Variants in BAHCC1 observed in about 807,000 individuals in gnomAD.
The protein encoded by BAHCC1 is BAH and coiled-coil domain-containing protein 1.
Under a neutral mutation model 88.2 loss-of-function variants are expected in BAHCC1, and 43 were observed. The ratio of observed to expected loss-of-function variants is 0.49; its 90% confidence interval spans 0.38 to 0.63. The LOEUF (loss-of-function observed/expected upper bound fraction) is 0.63. Ranked by LOEUF, BAHCC1 falls within the 20% of genes least tolerant of loss-of-function variation. The probability of loss-of-function intolerance (pLI) is 0.00; values close to 1 mark genes in which losing one functional copy is unlikely to be tolerated. For synonymous variants in BAHCC1, 1,510 were observed against 745.5 expected (o/e 2.03, Z -16.71); for missense variants, 3,023 against 1,654.8 (o/e 1.83, Z -14.34).
At chr17:81,454,669 T>G (rs1019654253) in intron 14 of BAHCC1, among the ~76,000 whole-genome samples, 3 of 151,932 alleles carry the variant, frequency 2.0e-5, no homozygotes, top group African/African-American at 7.3e-5. Flanking sequence ...GCCCCACTCC[T>G]AAGGGTGGTA....
At chr17:81,415,230 C>T (rs1444482727) in intron 2 of BAHCC1, among the ~76,000 whole-genome samples, 4 of 152,372 alleles carry the variant, frequency 2.6e-5, no homozygotes, top group Admixed American at 2.0e-4. Context: ...TCTTCCTGGA[C>T]CCTGGGTTTG....
chr17:81,445,774 AG>A, intron 10 of BAHCC1, 93 bp downstream of exon 10: 3 of 653,890 alleles, frequency 4.6e-6, no homozygotes, highest in Non-Finnish European at 8.5e-6. Context: ...GGCTGCCTGC[AG>A]GGAGGCGCCA....
intron 20 of BAHCC1, 22 bp from the exon 21 acceptor site, chr17:81,459,032 C>G (rs782537714): frequency 2.0e-5 from 15 of 736,198 alleles, no homozygotes; most frequent in Non-Finnish European, 3.5e-5. Context: ...CCGTGCCGGC[C>G]GCTGACACCT....
At chr17:81,436,313 A>G (rs1555651735) in intron 3 of BAHCC1, among the ~76,000 whole-genome samples, 5 of 152,150 alleles carry the variant, frequency 3.3e-5, no homozygotes, top group African/African-American at 1.2e-4. Flanking sequence ...GCCCACCCGC[A>G]GCTGCCCCCA....
intron 2 of BAHCC1, chr17:81,413,157 A>G (rs782752882): frequency 2.3e-6 from 1 of 439,474 alleles, no homozygotes; most frequent in South Asian, 1.6e-5. Flanking sequence ...CCCCAACCCC[A>G]GAGTGGGCCG....
At chr17:81,415,999 T>C (rs1555648599) in intron 2 of BAHCC1, among the ~76,000 whole-genome samples, 1 of 150,978 alleles carries the variant, frequency 6.6e-6, no homozygotes, top group Non-Finnish European at 1.5e-5. Flanking sequence ...TGAGGATGGG[T>C]GTATGCGCGT....
Position 81,460,911 on chromosome 17 carries a change from C to G in BAHCC1, c.6248C>G (p.Ala2083Gly). Reference sequence around the variant, plus strand: ...TCAGGTGCCAAATCCCCCACGGGGGCCTCCGACCACTTCCTGGGCCGCCGT... The same window carrying G: ...TCAGGTGCCAAATCCCCCACGGGGGGCTCCGACCACTTCCTGGGCCGCCGT... ...LTSGAKSPTGASDHFLGRRGS... is the reference protein window; with the variant it reads ...LTSGAKSPTGGSDHFLGRRGS... Residue 2083 changes from alanine (A) to glycine (G), a missense_variant, in exon 26 of 28, where the codon GCC (alanine) becomes GGC (glycine). Ala to Gly is a moderately conservative substitution (Grantham distance 60). Transcript: ENST00000675386. 1.3e-6 allele frequency: 1 copy of G among 768,030 alleles called. No individual in the cohort carries two copies. Among genetic ancestry groups the G allele is most frequent in the African/African-American group, 1.7e-5 (1 of 59,256 alleles). 47.6% of individuals were successfully genotyped at this position (768,030 alleles called of 1,614,324 possible). A position where few individuals can be genotyped will look rare whatever the true frequency, so the allele number is the denominator to read the frequency against.
In BAHCC1 at chr17:81,455,170, G is replaced by A. The variant is rs544391861; in HGVS notation, c.4446-97G>A. 3.5e-5 allele frequency: 23 copies of A among 652,226 alleles called. No homozygotes were observed. The African/African-American group carries it at 3.9e-4, about 11-fold the overall frequency. 40.4% of individuals were successfully genotyped at this position (652,226 alleles called of 1,614,324 possible). A position where few individuals can be genotyped will look rare whatever the true frequency, so the allele number is the denominator to read the frequency against. ...CGAGACGTGGGGCCCTTGGAGGAGGGTGACCCACAGTGTGACCCACTACAG... is the reference window on the plus strand; with the variant it reads ...CGAGACGTGGGGCCCTTGGAGGAGGATGACCCACAGTGTGACCCACTACAG... On this transcript the variant is annotated intron_variant, in intron 14 of 27. Transcript: ENST00000675386.
At chr17:81,446,805 A>C (rs1555654494) in intron 10 of BAHCC1, 2 of 676,664 alleles carry the variant, frequency 3.0e-6, no homozygotes, top group Non-Finnish European at 5.4e-6. Flanking sequence ...CATCCACCTC[A>C]GCCTCCCAAA....
At chr17:81,403,456 A>G (rs58697678) in intron 2 of BAHCC1, among the ~76,000 whole-genome samples, 39,835 of 149,366 alleles carry the variant, frequency 0.27, 6,474 homozygotes, top group Middle Eastern at 0.38. Context: ...TTTCCTGCTG[A>G]AAAAGTGCTT....
In BAHCC1 at chr17:81,434,463, C is replaced by T. The variant is rs375002179; in HGVS notation, c.359-3907C>T. ...CTGTAGAAGGTTTTGTCCTCAAAGGCGTGCGGGCTGGGGCAGGGCGCTCGA... is the reference window on the plus strand; with the variant it reads ...CTGTAGAAGGTTTTGTCCTCAAAGGTGTGCGGGCTGGGGCAGGGCGCTCGA... On this transcript the variant is annotated intron_variant, in intron 3 of 27. Transcript: ENST00000675386. This position sits in a 1 kb window ranked among gnomAD's most constrained non-coding sequence, Gnocchi z 4.9. Among the ~76,000 whole-genome samples the T allele has an allele frequency of 1.6e-3, 250 of 152,284 alleles. 1 individual carries two copies. Among genetic ancestry groups the T allele is most frequent in the African/African-American group, 5.7e-3 (237 of 41,552 alleles).
At chr17:81,418,798 T>TGTGTGTGTGTGCGC (rs1555649114) in intron 2 of BAHCC1, among the ~76,000 whole-genome samples, 2 of 66,270 alleles carry the variant, frequency 3.0e-5, no homozygotes, top group African/African-American at 1.2e-4. Context: ...CGTGTGTGCG[T>TGTGTGTGTGTGCGC]GTGTGTGTGT....
At chr17:81,413,699 G>A (rs907720542) in intron 2 of BAHCC1, among the ~76,000 whole-genome samples, 10 of 152,224 alleles carry the variant, frequency 6.6e-5, no homozygotes, top group African/African-American at 2.4e-4. Context: ...CAGCCCGCTC[G>A]GACCACCTGT....
At chr17:81,418,796 C>CGCGCATGTGTGTGTGTGTGCGCAT (rs1555649116) in intron 2 of BAHCC1, among the ~76,000 whole-genome samples, 2 of 144,918 alleles carry the variant, frequency 1.4e-5, no homozygotes, top group East Asian at 4.1e-4. Flanking sequence ...TACGTGTGTG[C>CGCGCATGTGTGTGTGTGTGCGCAT]GTGTGTGTGT....
At chr17:81,402,398 T>G (rs781854694) in intron 2 of BAHCC1, 1 of 152,262 alleles carries the variant, frequency 6.6e-6, no homozygotes, top group Non-Finnish European at 1.5e-5. Context: ...CCCAGATCAC[T>G]TTGCTTTGGT....
rs780544888 is a variant in BAHCC1 at position 81,434,793 on chromosome 17, C to T, written c.359-3577C>T. Among the ~76,000 whole-genome samples the T allele has an allele frequency of 1.1e-4, 17 of 152,104 alleles. No homozygotes were observed. The highest frequency in any genetic ancestry group is 1.9e-4 in the Non-Finnish European group (13 of 67,954). On this transcript the variant is annotated intron_variant, in intron 3 of 27. Transcript: ENST00000675386. This position sits in a 1 kb window ranked among gnomAD's most constrained non-coding sequence, Gnocchi z 4.9. Reference sequence around the variant, plus strand: ...CCCAGATCTGGCAAGAGGAGGAAGGCGCAGGGCTGGCCTGGAGAGGGCAGG... The same window carrying T: ...CCCAGATCTGGCAAGAGGAGGAAGGTGCAGGGCTGGCCTGGAGAGGGCAGG...
At position 81,461,217 on chromosome 17, in the gene BAHCC1, G is replaced by A. The variant is rs782256960; in HGVS notation, c.6554G>A (p.Arg2185Gln). ...GLPRGAHKLL[R>Q]AKKAERVEAE... is the part of the protein sequence containing the mutation. The stretch of plus-strand genomic sequence containing the variant: ...CCCAGGGGAGCCCACAAGCTGCTGC[G>A]GGCTAAGAAGGCCGAGAGGGTGGAG... The change falls in exon 26 of 28, where the codon CGG becomes CAG. Residue 2185 changes from arginine to glutamine, a missense_variant. Arg to Gln is a conservative substitution (Grantham distance 43). Transcript: ENST00000675386. 3.7e-5 allele frequency: 27 copies of A among 722,138 alleles called. No individual in the cohort carries two copies. In the East Asian group the frequency reaches 4.7e-4, roughly 13 times the overall value. The allele number at this position is 722,138 out of a possible 1,614,324, so 44.7% of individuals were successfully genotyped here.
intron 2 of BAHCC1, among the ~76,000 whole-genome samples, chr17:81,421,000 C>T (rs1384622693): frequency 6.6e-6 from 1 of 152,254 alleles, no homozygotes; most frequent in African/African-American, 2.4e-5. Flanking sequence ...CATGCTCCAT[C>T]TCTTACCAGC....
Position 81,444,515 on chromosome 17 carries a change from C to A in BAHCC1, c.2459C>A (p.Pro820His). Residue 820 changes from proline (P) to histidine (H), a missense_variant, in exon 7 of 28, where the codon CCC becomes CAC. Pro to His is a moderately conservative substitution (Grantham distance 77). Coordinates refer to ENST00000675386, the MANE Select transcript of BAHCC1 (RefSeq NM_001377448.1). ...DPAPHTHPHP[P>H]WLPRTRSPSL... ...GCCCCCCACACCCACCCCCATCCCC[C>A]CTGGCTGCCCCGCACCCGCAGCCCC... The A allele has an allele frequency of 1.4e-6, 1 of 696,694 alleles. No homozygotes were observed. The highest frequency in any genetic ancestry group is 1.7e-5 in the African/African-American group (1 of 57,322). The allele number at this position is 696,694 out of a possible 1,614,324, so 43.2% of individuals were successfully genotyped here. A position where few individuals can be genotyped will look rare whatever the true frequency, so the allele number is the denominator to read the frequency against.
Sources: gnomAD v4.1 joint callset for allele counts (sites outside exome capture counted in the v4.1 genomes callset) on GRCh38, gnomAD v4.1.1 for gene constraint, Gnocchi (gnomAD v3.1) non-coding constraint, MANE v1.5 for transcripts, NCBI Gene and HGNC (gene_info 2026-07-23, HGNC 2026-07-21) for gene names.